NYNRIN: variants seen among roughly 807,000 people sequenced by gnomAD.
NYNRIN encodes NYN domain and retroviral integrase containing, also known as protein NYNRIN.
In NYNRIN, 86 loss-of-function variants were observed where a neutral mutation model predicts 146.6. That is an observed-to-expected ratio of 0.59 (90% CI 0.49 to 0.70). The LOEUF (loss-of-function observed/expected upper bound fraction) is 0.70, where lower values mean the gene tolerates loss of function less well. NYNRIN is among the 30% of genes least tolerant of loss of function. NYNRIN has a pLI of 0.00. For missense variants in NYNRIN, 2,191 were observed against 2,377.7 expected (o/e 0.92, Z 1.63); for synonymous variants, 1,027 against 1,001.3 (o/e 1.03, Z -0.48).
Position 24,415,529 on chromosome 14 carries a change from C to A in NYNRIN, c.3780C>A (p.Leu1260=), listed in dbSNP as rs2042938907. Residue 1260 remains leucine (L), a synonymous_variant, in exon 9 of 9, where the codon CTC becomes CTA. Transcript: ENST00000382554. Reference sequence around the variant, plus strand: ...AAGCTTGGTTGATCCGATGGTCCCTCTTGGTTCAGGACAAAGGCAAGAGGG... The same window carrying A: ...AAGCTTGGTTGATCCGATGGTCCCTATTGGTTCAGGACAAAGGCAAGAGGG... ...VSKAWLIRWS[L]LVQDKGKRAL... 2 of 1,613,776 alleles carry A rather than the reference C, an allele frequency of 1.2e-6. No individual in the cohort carries two copies. The highest frequency in any genetic ancestry group is 1.7e-5 in the Admixed American group (1 of 59,994).
At position 24,416,638 on chromosome 14, in the gene NYNRIN, A is replaced by C; in HGVS notation, c.4889A>C (p.Glu1630Ala). Residue 1630 changes from glutamate to alanine, a missense_variant, in exon 9 of 9, where the codon GAG becomes GCG. By Grantham distance (107) the Glu-to-Ala change is moderately radical. Around this residue, in one of 3 missense-constraint regions of NYNRIN, gnomAD observed 1,291 missense variants for 1,417.0 expected, o/e 0.91. Transcript: ENST00000382554. ...EVVGPVTISE[E>A]GHKHVLIVAD... ...GTGGGCCCGGTCACCATAAGTGAGG[A>C]GGGCCATAAGCATGTACTTATTGTG... 6.2e-7 allele frequency: 1 copy of C among 1,613,944 alleles called. No individual in the cohort carries two copies. Among genetic ancestry groups the C allele is most frequent in the East Asian group, 2.2e-5 (1 of 44,882 alleles).
In NYNRIN at chr14:24,409,913, T is replaced by C; in HGVS notation, c.2119T>C (p.Ser707Pro). 6.2e-7 allele frequency: 1 copy of C among 1,613,696 alleles called. No homozygotes were observed. The highest frequency in any genetic ancestry group is 8.5e-7 in the Non-Finnish European group (1 of 1,179,780). The change falls in exon 4 of 9, where the codon TCA becomes CCA. Residue 707 changes from serine (S) to proline (P), a missense_variant. Transcript: ENST00000382554. ...ACTTCTGAGTGAGGTCCAGCCTACA[T>C]CAAGGGCTAGTGTCTCCTTACTGAA... The part of the protein sequence containing the change: ...ARLLSEVQPT[S>P]RASVSLLKGQ...
In NYNRIN at chr14:24,416,267, G is replaced by A. The variant is rs748051233; in HGVS notation, c.4518G>A (p.Pro1506=). ...QAGQKLSGSS[P]FSSAFNSLSL... Reference sequence around the variant, plus strand: ...GGCAGAAACTGTCTGGCTCCTCACCGTTTAGTTCTGCCTTTAACTCACTCA... The same window carrying A: ...GGCAGAAACTGTCTGGCTCCTCACCATTTAGTTCTGCCTTTAACTCACTCA... Residue 1506 remains proline, a synonymous_variant, in exon 9 of 9, where the codon CCG becomes CCA. Coordinates refer to ENST00000382554, the MANE Select transcript of NYNRIN (RefSeq NM_025081.3). 2.5e-5 allele frequency: 40 copies of A among 1,613,748 alleles called. No individual in the cohort carries two copies. The highest frequency in any genetic ancestry group is 1.6e-4 in the Middle Eastern group (1 of 6,084).
Position 24,399,222 on chromosome 14 carries a change from C to G in NYNRIN, c.-17-8C>G. ...ACCCGGGTGACACTATCGTCTCCTT[C>G]GTTCCAGGAGCGGGCGGGGCAGCCA... On this transcript the variant is annotated splice_region_variant and splice_polypyrimidine_tract_variant and intron_variant, in intron 1 of 8. Coordinates refer to ENST00000382554, the MANE Select transcript of NYNRIN (RefSeq NM_025081.3). 3.7e-6 allele frequency: 6 copies of G among 1,610,340 alleles called. No individual in the cohort carries two copies. Among genetic ancestry groups the G allele is most frequent in the Admixed American group, 1.7e-5 (1 of 59,858 alleles).
chr14:24,412,307 G>GAGT (rs1274320634), intron 6 of NYNRIN, among the ~76,000 whole-genome samples: 1 of 152,174 alleles, frequency 6.6e-6, no homozygotes, highest in East Asian at 1.9e-4. Flanking sequence ...GGCACTTGAA[G>GAGT]AGTAGCATGC....
In NYNRIN at chr14:24,409,357, G is replaced by A. The variant is rs759746818; in HGVS notation, c.1563G>A (p.Gly521=). ...GPAPVLPTGQ[G]KPVAQGGLTD... is the part of the protein sequence containing the mutation. ...CTCCAGTGCTGCCAACAGGGCAAGGGAAGCCCGTGGCTCAAGGGGGGCTGA... is the reference window on the plus strand; with the variant it reads ...CTCCAGTGCTGCCAACAGGGCAAGGAAAGCCCGTGGCTCAAGGGGGGCTGA... The change falls in exon 4 of 9, where the codon GGG becomes GGA. Residue 521 remains glycine (G), a synonymous_variant. Coordinates refer to ENST00000382554, the MANE Select transcript of NYNRIN (RefSeq NM_025081.3). 1 of 1,614,062 alleles carries A rather than the reference G, an allele frequency of 6.2e-7. No individual in the cohort carries two copies. Among genetic ancestry groups the A allele is most frequent in the African/African-American group, 1.3e-5 (1 of 75,072 alleles).
chr14:24,412,401 G>A (rs918563826), intron 6 of NYNRIN, among the ~76,000 whole-genome samples: 6 of 152,230 alleles, frequency 3.9e-5, no homozygotes, highest in Non-Finnish European at 8.8e-5. Flanking sequence ...GCCCTCTTTA[G>A]AGGAGAGGTG....
chr14:24,409,329 C>A lies in NYNRIN; in HGVS notation c.1535C>A (p.Pro512His). ...GATTTTAAGGGACTGGAAGAGGGAC[C>A]CGCTCCAGTGCTGCCAACAGGGCAA... ...QLDFKGLEEG[P>H]APVLPTGQGK... is the part of the protein sequence containing the mutation. Residue 512 changes from proline to histidine, a missense_variant, in exon 4 of 9, where the codon CCC (proline) becomes CAC (histidine). Coordinates refer to ENST00000382554, the MANE Select transcript of NYNRIN (RefSeq NM_025081.3). 1 of 1,614,046 alleles carries A rather than the reference C, an allele frequency of 6.2e-7. No homozygotes were observed. The highest frequency in any genetic ancestry group is 8.5e-7 in the Non-Finnish European group (1 of 1,179,900).
rs770849980 is a variant in NYNRIN at position 24,416,838 on chromosome 14, C to T, written c.5089C>T (p.Leu1697=). ...CGTCCTTGTGAGCTGTGGGCTGGCC[C>T]TGGGAGCCCAGGTGGCCTCCCTGAG... ...RHVLVSCGLA[L]GAQVASLSRD... is the part of the protein sequence containing the mutation. The change falls in exon 9 of 9, where the codon CTG becomes TTG. Residue 1697 remains leucine, a synonymous_variant. Transcript: ENST00000382554. 1.2e-6 allele frequency: 2 copies of T among 1,609,680 alleles called. No individual in the cohort carries two copies. Among genetic ancestry groups the T allele is most frequent in the East Asian group, 2.2e-5 (1 of 44,764 alleles).
At position 24,418,900 on chromosome 14, in the gene NYNRIN, A is replaced by T. The variant is rs1356897994; in HGVS notation, c.*1454A>T. On this transcript the variant is annotated 3_prime_UTR_variant, in exon 9 of 9. Transcript: ENST00000382554. ...TAAGCTTCCTGACTCCCAGTTCACC[A>T]TGAAAAGGGTTCTGGCAACAGGTTC... The T allele has an allele frequency of 6.6e-6, 1 of 152,240 alleles. No individual in the cohort carries two copies. The highest frequency in any genetic ancestry group is 2.4e-5 in the African/African-American group (1 of 41,456). The allele number at this position is 152,240 out of a possible 1,614,324, so 9.4% of individuals were successfully genotyped here.
Position 24,414,740 on chromosome 14 carries a change from G to A in NYNRIN, c.2991G>A (p.Glu997=), listed in dbSNP as rs2042932798. ...TGGAAGAAGTCAGGGAAGAGAAGGA[G>A]GAGAGGCAGGATGAGGAGCAGAGAC... ...PNMEEVREEK[E]ERQDEEQRQG... is the part of the protein sequence containing the mutation. The change falls in exon 9 of 9, where the codon GAG becomes GAA. Residue 997 remains glutamate, a synonymous_variant. Coordinates refer to ENST00000382554, the MANE Select transcript of NYNRIN (RefSeq NM_025081.3). 3 of 1,613,546 alleles carry A rather than the reference G, an allele frequency of 1.9e-6. No individual in the cohort carries two copies. The highest frequency in any genetic ancestry group is 1.7e-4 in the Middle Eastern group (1 of 6,050).
intron 2 of NYNRIN, among the ~76,000 whole-genome samples, chr14:24,403,848 T>G (rs2042860226): frequency 6.6e-6 from 1 of 152,216 alleles, no homozygotes; most frequent in Non-Finnish European, 1.5e-5. Context: ...CAAAGGATAT[T>G]TGATTGAGAG....
At chr14:24,403,949 G>A (rs1013248995) in intron 2 of NYNRIN, among the ~76,000 whole-genome samples, 3 of 152,194 alleles carry the variant, frequency 2.0e-5, no homozygotes, top group Admixed American at 2.0e-4. Flanking sequence ...AGCTGTTCTG[G>A]TCCCTGGTCA....
chr14:24,416,827 G>A lies in NYNRIN; in HGVS notation c.5078G>A (p.Cys1693Tyr). 1 of 1,610,810 alleles carries A rather than the reference G, an allele frequency of 6.2e-7. No individual in the cohort carries two copies. Among genetic ancestry groups the A allele is most frequent in the South Asian group, 1.1e-5 (1 of 90,856 alleles). Residue 1693 changes from cysteine to tyrosine, a missense_variant, in exon 9 of 9, where the codon TGT becomes TAT. By Grantham distance (194) the Cys-to-Tyr change is radical. Around this residue, in one of 3 missense-constraint regions of NYNRIN, gnomAD observed 1,291 missense variants for 1,417.0 expected, o/e 0.91. Transcript: ENST00000382554. ...TTTGCCCGGCACGTCCTTGTGAGCTGTGGGCTGGCCCTGGGAGCCCAGGTG... is the reference window on the plus strand; with the variant it reads ...TTTGCCCGGCACGTCCTTGTGAGCTATGGGCTGGCCCTGGGAGCCCAGGTG... ...PQFARHVLVS[C>Y]GLALGAQVAS... is the part of the protein sequence containing the mutation.
chr14:24,417,074 G>A lies in NYNRIN; in HGVS notation c.5325G>A (p.Glu1775=). 6.2e-7 allele frequency: 1 copy of A among 1,613,202 alleles called. No individual in the cohort carries two copies. The change falls in exon 9 of 9, where the codon GAG becomes GAA. Residue 1775 remains glutamate, a synonymous_variant. Transcript: ENST00000382554. Reference sequence around the variant, plus strand: ...GGCTCACGGAGCCCCTGTGGTGGGAGATGAGCAGCGCAAACATTGAAGGGC... The same window carrying A: ...GGCTCACGGAGCCCCTGTGGTGGGAAATGAGCAGCGCAAACATTGAAGGGC... ...ESRLTEPLWW[E]MSSANIEGLK...
Position 24,410,068 on chromosome 14 carries a change from C to T in NYNRIN, c.2274C>T (p.His758=), listed in dbSNP as rs1480192933. The T allele has an allele frequency of 2.5e-6, 4 of 1,613,862 alleles. No homozygotes were observed. Among genetic ancestry groups the T allele is most frequent in the Non-Finnish European group, 3.4e-6 (4 of 1,179,910 alleles). ...WEGAPRQPPR[H]LQANSTVTSF... ...GGGCCCCAAGGCAGCCACCTCGCCA[C>T]CTGCAAGCGAACAGCACAGTGACCA... Residue 758 remains histidine (H), a synonymous_variant, in exon 4 of 9, where the codon CAC becomes CAT. Coordinates refer to ENST00000382554, the MANE Select transcript of NYNRIN (RefSeq NM_025081.3).
intron 6 of NYNRIN, among the ~76,000 whole-genome samples, chr14:24,412,211 G>C (rs2042916649): frequency 6.6e-6 from 1 of 152,206 alleles, no homozygotes; most frequent in Non-Finnish European, 1.5e-5. Context: ...TGTAGAGCTG[G>C]TCCCCTCCAT....
intron 8 of NYNRIN, among the ~76,000 whole-genome samples, chr14:24,413,883 A>G (rs1245118177): frequency 2.0e-5 from 3 of 152,216 alleles, no homozygotes; most frequent in African/African-American, 7.2e-5. Context: ...TGTCTAGAGT[A>G]TTCACCAAGT....
Position 24,417,638 on chromosome 14 carries a change from G to T in NYNRIN, c.*192G>T. ...TCCCCATGGAAACATCCCCAGTTTG[G>T]GGTACTTGGAGAATTTGCCAAAGGC... On this transcript the variant is annotated 3_prime_UTR_variant, in exon 9 of 9. Coordinates refer to ENST00000382554, the MANE Select transcript of NYNRIN (RefSeq NM_025081.3). 1.2e-6 allele frequency: 1 copy of T among 816,346 alleles called. No homozygotes were observed. Among genetic ancestry groups the T allele is most frequent in the Non-Finnish European group, 1.7e-6 (1 of 576,762 alleles). 50.6% of individuals were successfully genotyped at this position (816,346 alleles called of 1,614,324 possible).
Sources: gnomAD v4.1 joint callset for allele counts (sites outside exome capture counted in the v4.1 genomes callset) on GRCh38, gnomAD v4.1.1 for gene constraint, gnomAD v4.1.1 regional missense constraint, MANE v1.5 for transcripts, NCBI Gene and HGNC (gene_info 2026-07-23, HGNC 2026-07-21) for gene names.